CCDC81: variants seen among roughly 807,000 people sequenced by gnomAD.
CCDC81 encodes the protein coiled-coil domain-containing protein 81.
CCDC81 carries 79 observed loss-of-function variants against 83.7 expected under a neutral mutation model. The observed-to-expected ratio is 0.94, with a 90% CI of 0.79 to 1.14. The LOEUF (loss-of-function observed/expected upper bound fraction) is 1.14. Among genes scored for constraint, CCDC81 ranks in the 50% most tolerant of loss-of-function variants. The probability of loss-of-function intolerance (pLI) is 0.00; values close to 1 mark genes in which losing one functional copy is unlikely to be tolerated. For synonymous variants in CCDC81, 252 were observed against 278.1 expected, an observed-to-expected ratio of 0.91 and a Z score of 0.93; for missense variants, 791 against 778.1, an observed-to-expected ratio of 1.02 and a Z score of -0.20.
chr11:86,398,058 C>T (rs1447801695), intron 6 of CCDC81, among the ~76,000 whole-genome samples: 1 of 152,076 alleles, frequency 6.6e-6, no homozygotes, highest in Non-Finnish European at 1.5e-5. Flanking sequence ...TGGTCTCAAA[C>T]TCCTGGCCTG....
chr11:86,423,018 C>G lies in CCDC81; in HGVS notation c.*303C>G, dbSNP rs1948817416. 3.4e-6 allele frequency: 1 copy of G among 294,450 alleles called. No individual in the cohort carries two copies. Among genetic ancestry groups the G allele is most frequent in the Admixed American group, 4.8e-5 (1 of 21,036 alleles). 18.2% of individuals were successfully genotyped at this position (294,450 alleles called of 1,614,324 possible). On this transcript the variant is annotated 3_prime_UTR_variant, in exon 15 of 15. Transcript: ENST00000445632. ...ATTATGGCTGCTGGGGTGCTGCTGA[C>G]CCAGCCCTGCTGCTGCTCCATGACT...
intron 8 of CCDC81, 142 bp from the exon 9 acceptor site, chr11:86,407,985 C>T: frequency 1.3e-6 from 1 of 795,452 alleles, no homozygotes. Context: ...GTCCACTCTG[C>T]AAATCTCATT....
At chr11:86,385,208 C>T (rs1301091066) in intron 1 of CCDC81, among the ~76,000 whole-genome samples, 4 of 151,704 alleles carry the variant, frequency 2.6e-5, no homozygotes, top group African/African-American at 7.3e-5. Context: ...GCCAACATGG[C>T]GAAACCCTGT....
intron 7 of CCDC81, among the ~76,000 whole-genome samples, chr11:86,403,347 T>G (rs370445918): frequency 3.2e-4 from 48 of 152,238 alleles, no homozygotes; most frequent in African/African-American, 1.1e-3. Flanking sequence ...TCCCAATTCT[T>G]TTTTTTCTTT....
At chr11:86,395,870 G>A (rs1046943921) in intron 5 of CCDC81, among the ~76,000 whole-genome samples, 2 of 152,154 alleles carry the variant, frequency 1.3e-5, no homozygotes, top group African/African-American at 2.4e-5. Flanking sequence ...TGATCCATCC[G>A]CCTCGGCCTC....
chr11:86,388,130 C>G (rs1023203385), intron 3 of CCDC81, among the ~76,000 whole-genome samples: 1 of 152,150 alleles, frequency 6.6e-6, no homozygotes, highest in Non-Finnish European at 1.5e-5. Flanking sequence ...TCTATAAAGA[C>G]TTAATGCATA....
chr11:86,415,022 A>G, intron 12 of CCDC81, 71 bp from the exon 13 acceptor site: 1 of 1,528,844 alleles, frequency 6.5e-7, no homozygotes, highest in Non-Finnish European at 9.0e-7. Flanking sequence ...ATTTTACCAC[A>G]TTACAGGGTT....
At chr11:86,391,040 G>A (rs966560486) in intron 3 of CCDC81, among the ~76,000 whole-genome samples, 7 of 152,080 alleles carry the variant, frequency 4.6e-5, no homozygotes, top group African/African-American at 9.7e-5. Flanking sequence ...GAAGAGGAGG[G>A]AAGCCAGCAA....
intron 3 of CCDC81, 57 bp from the exon 4 acceptor site, chr11:86,392,484 G>C (rs1359388921): frequency 9.2e-6 from 14 of 1,523,940 alleles, no homozygotes; most frequent in Admixed American, 2.1e-5. Flanking sequence ...TGTATGATAT[G>C]TCCTTATGGT....
intron 13 of CCDC81, among the ~76,000 whole-genome samples, chr11:86,418,271 T>G (rs916909685): frequency 1.1e-4 from 17 of 152,172 alleles, no homozygotes; most frequent in Non-Finnish European, 2.4e-4. Context: ...CATAAAATGG[T>G]ACAGTTGCTA....
At chr11:86,405,015 C>T (rs1948545679) in intron 7 of CCDC81, among the ~76,000 whole-genome samples, 1 of 152,130 alleles carries the variant, frequency 6.6e-6, no homozygotes, top group East Asian at 1.9e-4. Context: ...TTGTATACTA[C>T]TATTCCTTAG....
chr11:86,393,825 C>G (rs1311655333), intron 4 of CCDC81, among the ~76,000 whole-genome samples: 1 of 152,142 alleles, frequency 6.6e-6, no homozygotes, highest in Non-Finnish European at 1.5e-5. Flanking sequence ...CCTCTGGAAA[C>G]TAACAAAGTA....
intron 7 of CCDC81, among the ~76,000 whole-genome samples, chr11:86,402,865 A>G (rs528031932): frequency 1.3e-5 from 2 of 152,058 alleles, no homozygotes; most frequent in East Asian, 3.9e-4. Context: ...TTGAGATAGC[A>G]TCTCACTCTG....
chr11:86,414,764 A>G (rs779223861), intron 11 of CCDC81, 25 bp from the exon 12 acceptor site: 16 of 1,558,194 alleles, frequency 1.0e-5, no homozygotes, highest in African/African-American at 1.4e-5. Context: ...ACTGTGGTCC[A>G]TCTTCTCTTG....
At chr11:86,402,021 G>T (rs1948496878) in intron 7 of CCDC81, among the ~76,000 whole-genome samples, 1 of 151,298 alleles carries the variant, frequency 6.6e-6, no homozygotes, top group Admixed American at 6.6e-5. Flanking sequence ...TGTAATCCCA[G>T]CTACATGGGA....
intron 7 of CCDC81, among the ~76,000 whole-genome samples, chr11:86,404,071 TA>T (rs1206818161): frequency 1.3e-5 from 2 of 151,796 alleles, no homozygotes; most frequent in Non-Finnish European, 2.9e-5. Context: ...GTTAGAGGAT[TA>T]AAAAAAATAC....
intron 14 of CCDC81, among the ~76,000 whole-genome samples, chr11:86,421,490 T>A (rs1244722059): frequency 6.6e-6 from 1 of 152,162 alleles, no homozygotes; most frequent in Admixed American, 6.5e-5. Context: ...TTTGTGTTTT[T>A]TAGTAGAGAC....
intron 3 of CCDC81, among the ~76,000 whole-genome samples, chr11:86,388,920 T>G (rs1386580040): frequency 6.6e-6 from 1 of 152,206 alleles, no homozygotes; most frequent in Non-Finnish European, 1.5e-5. Flanking sequence ...AGATCTAAAA[T>G]TATATTTTTT....
intron 1 of CCDC81, among the ~76,000 whole-genome samples, chr11:86,377,471 T>C (rs1275079740): frequency 6.6e-6 from 1 of 152,180 alleles, no homozygotes; most frequent in East Asian, 1.9e-4. Flanking sequence ...TTTGTTGTTG[T>C]CAGTATTTTA....
Sources: gnomAD v4.1 joint callset for allele counts (sites outside exome capture counted in the v4.1 genomes callset) on GRCh38, gnomAD v4.1.1 for gene constraint, MANE v1.5 for transcripts, NCBI Gene and HGNC (gene_info 2026-07-23, HGNC 2026-07-21) for gene names.